Variants in SGCG observed in about 807,000 individuals in gnomAD.
SGCG encodes the protein gamma-sarcoglycan.
SGCG carries 26 observed loss-of-function variants against 29.3 expected under a neutral mutation model. The observed-to-expected ratio is 0.89, with a 90% confidence interval of 0.65 to 1.23. SGCG has a LOEUF of 1.23. Ranked by LOEUF, SGCG falls within the 50% of genes most tolerant of loss-of-function variation. SGCG has a pLI of 0.00. For missense variants in SGCG, 353 were observed against 356.0 expected, an observed-to-expected ratio of 0.99 and a Z score of 0.07; for synonymous variants, 145 against 129.7, an observed-to-expected ratio of 1.12 and a Z score of -0.80.
chr13:23,291,058 C>G (rs9550951), intron 5 of SGCG, among the ~76,000 whole-genome samples: 35,031 of 151,992 alleles, frequency 0.23, 4,198 homozygotes, highest in South Asian at 0.38. Context: ...GCTCTAGGAT[C>G]CAGAAGGGAA....
intron 5 of SGCG, among the ~76,000 whole-genome samples, chr13:23,285,036 T>C (rs1881442296): frequency 6.6e-6 from 1 of 152,168 alleles, no homozygotes; most frequent in African/African-American, 2.4e-5. Context: ...CTGTATGAGG[T>C]GTCTGTCGAC....
chr13:23,229,430 T>C (rs1879024202), intron 2 of SGCG, among the ~76,000 whole-genome samples: 1 of 152,192 alleles, frequency 6.6e-6, no homozygotes, highest in African/African-American at 2.4e-5. Flanking sequence ...AGCATATAAG[T>C]GTTTGCTATT....
intron 2 of SGCG, among the ~76,000 whole-genome samples, chr13:23,233,145 C>T (rs116682719): frequency 0.017 from 2,654 of 152,086 alleles, 69 homozygotes; most frequent in African/African-American, 0.061. Flanking sequence ...TTACAATGCC[C>T]AAAATGTGGA....
At position 23,234,637 on chromosome 13, in the gene SGCG, A is replaced by G. The variant is rs1879240267; in HGVS notation, c.222A>G (p.Thr74=). ...CAGGAATGGGCCACTTGTGTGTAAC[A>G]AAAGATGGACTGCGCTTGGAAGGGG... ...SPAGMGHLCV[T]KDGLRLEGES... is the part of the protein sequence containing the mutation. The change falls in exon 3 of 8, where the codon ACA becomes ACG. Residue 74 remains threonine, a synonymous_variant. Coordinates refer to ENST00000218867, the MANE Select transcript of SGCG (RefSeq NM_000231.3). The G allele has an allele frequency of 4.3e-6, 7 of 1,613,024 alleles. No homozygotes were observed. The highest frequency in any genetic ancestry group is 1.3e-5 in the African/African-American group (1 of 74,868).
At chr13:23,243,658 A>T (rs1411850049) in intron 3 of SGCG, 3 of 152,140 alleles carry the variant, frequency 2.0e-5, no homozygotes, top group Non-Finnish European at 4.4e-5. Flanking sequence ...TTCCAGGAGA[A>T]TGGTGGAGAG....
At chr13:23,312,626 A>G (rs974639395) in intron 6 of SGCG, among the ~76,000 whole-genome samples, 1 of 152,212 alleles carries the variant, frequency 6.6e-6, no homozygotes, top group African/African-American at 2.4e-5. Flanking sequence ...GGGGTGAGGG[A>G]TGAGAAATCA....
chr13:23,242,267 G>C (rs185812482), intron 3 of SGCG, among the ~76,000 whole-genome samples: 188 of 152,246 alleles, frequency 1.2e-3, no homozygotes, highest in Non-Finnish European at 1.0e-3. Context: ...GTTGGAAGTA[G>C]TTAATTATGT....
chr13:23,170,877 G>A, the SGCG span, among the ~76,000 whole-genome samples: 111 of 152,330 alleles, frequency 7.3e-4, no homozygotes, highest in Admixed American at 6.9e-3. Flanking sequence ...GCCTATGACC[G>A]TGCCCCTGTG....
At chr13:23,254,062 G>A (rs1349043999) in intron 4 of SGCG, among the ~76,000 whole-genome samples, 4 of 152,130 alleles carry the variant, frequency 2.6e-5, no homozygotes, top group Non-Finnish European at 4.4e-5. Context: ...TGTAAGAATC[G>A]AGTAACACAG....
At chr13:23,293,255 CATT>C (rs1881784683) in intron 5 of SGCG, among the ~76,000 whole-genome samples, 1 of 152,150 alleles carries the variant, frequency 6.6e-6, no homozygotes, top group Non-Finnish European at 1.5e-5. Context: ...TTTCATGAAA[CATT>C]AACCTTCACT....
intron 3 of SGCG, among the ~76,000 whole-genome samples, chr13:23,250,198 G>C (rs542701878): frequency 1.3e-5 from 2 of 152,168 alleles, no homozygotes; most frequent in African/African-American, 4.8e-5. Context: ...TTTTGATAAA[G>C]TTTACTTTAC....
At chr13:23,320,606 TTTTTTTTTG>T (rs1317533445) in intron 6 of SGCG, 22 bp from the exon 7 acceptor site, 1 of 1,486,340 alleles carries the variant, frequency 6.7e-7, no homozygotes, top group Non-Finnish European at 9.1e-7. Context: ...ACTTTTTTTT[TTTTTTTTTG>T]TGCTTCTTTT....
chr13:23,210,551 C>T (rs952604352), intron 2 of SGCG, among the ~76,000 whole-genome samples: 2 of 151,916 alleles, frequency 1.3e-5, no homozygotes, highest in Non-Finnish European at 2.9e-5. Flanking sequence ...ATTAGCCGGG[C>T]GTGGTGGCGG....
chr13:23,209,974 A>G (rs547538214), intron 2 of SGCG, among the ~76,000 whole-genome samples: 1 of 152,358 alleles, frequency 6.6e-6, no homozygotes, highest in East Asian at 1.9e-4. Flanking sequence ...AAAACAAAGC[A>G]AAGAGAAAAA....
At chr13:23,254,026 C>T (rs1007409936) in intron 4 of SGCG, among the ~76,000 whole-genome samples, 1 of 152,186 alleles carries the variant, frequency 6.6e-6, no homozygotes, top group Admixed American at 6.5e-5. Context: ...ATAAATTACC[C>T]ATCCTCAGTT....
At chr13:23,269,880 T>TC (rs1555242101) in intron 4 of SGCG, among the ~76,000 whole-genome samples, 1 of 105,960 alleles carries the variant, frequency 9.4e-6, no homozygotes, top group African/African-American at 2.9e-5. Context: ...TTTTGTTTTT[T>TC]TTGTTTTTTT....
At chr13:23,231,887 G>C (rs531316556) in intron 2 of SGCG, among the ~76,000 whole-genome samples, 1 of 152,234 alleles carries the variant, frequency 6.6e-6, no homozygotes, top group East Asian at 1.9e-4. Flanking sequence ...GGGAAGCTGA[G>C]GTGGGCAGAT....
chr13:23,174,188 G>T, the SGCG span, among the ~76,000 whole-genome samples: 2 of 152,146 alleles, frequency 1.3e-5, no homozygotes, highest in Non-Finnish European at 2.9e-5. Context: ...AGAACAATTA[G>T]CCCAGCTCAA....
At chr13:23,172,031 T>G in the SGCG span, among the ~76,000 whole-genome samples, 1 of 152,192 alleles carries the variant, frequency 6.6e-6, no homozygotes, top group Admixed American at 6.5e-5. Flanking sequence ...GTGGGAAGAT[T>G]GCCTTTGGAC....
Sources: allele counts gnomAD v4.1 joint callset (sites outside exome capture counted in the v4.1 genomes callset), GRCh38; gene constraint gnomAD v4.1.1; transcripts MANE v1.5; gene names NCBI Gene and HGNC (gene_info 2026-07-23, HGNC 2026-07-21).